SLCO1B3: variants seen among roughly 807,000 people sequenced by gnomAD.
SLCO1B3 encodes the protein solute carrier organic anion transporter family member 1B3, also known as liver-specific organic anion transporter 2.
In SLCO1B3, 72 loss-of-function variants were observed where a neutral mutation model predicts 71.8. That is an observed-to-expected ratio of 1.00 (90% CI 0.83 to 1.22). SLCO1B3 has a LOEUF of 1.22. Ranked by LOEUF, SLCO1B3 falls within the 50% of genes most tolerant of loss-of-function variation. SLCO1B3 has a pLI of 0.00. For missense variants in SLCO1B3, 911 were observed against 819.7 expected (o/e 1.11, Z -1.36); for synonymous variants, 298 against 278.4 (o/e 1.07, Z -0.70).
intron 3 of SLCO1B3, among the ~76,000 whole-genome samples, chr12:20,837,922 A>G (rs1035865656): frequency 2.0e-5 from 3 of 152,082 alleles, no homozygotes; most frequent in African/African-American, 7.2e-5. Context: ...ACAGAGGAGT[A>G]TTGATGTCTC....
At chr12:20,865,576 GCAGGTC>G (rs1451920848) in intron 8 of SLCO1B3, among the ~76,000 whole-genome samples, 1 of 151,994 alleles carries the variant, frequency 6.6e-6, no homozygotes, top group East Asian at 1.9e-4. Context: ...TTTGAACTGT[GCAGGTC>G]CACTTATACA....
chr12:20,860,962 A>G (rs2121247182), intron 5 of SLCO1B3, 55 bp from the exon 6 acceptor site: 1 of 1,483,210 alleles, frequency 6.7e-7, no homozygotes. Context: ...TTTCTGGGAA[A>G]ACTGAAAATA....
At chr12:20,890,528 G>A (rs187621491) in intron 13 of SLCO1B3, among the ~76,000 whole-genome samples, 20 of 152,248 alleles carry the variant, frequency 1.3e-4, no homozygotes, top group South Asian at 2.1e-4. Context: ...TAAAATGTTC[G>A]TCAGATCCAT....
At chr12:20,914,478 C>T (rs1463128879) in intron 15 of SLCO1B3, among the ~76,000 whole-genome samples, 1 of 152,026 alleles carries the variant, frequency 6.6e-6, no homozygotes, top group Admixed American at 6.6e-5. Context: ...CATACATACA[C>T]ATATGAATAA....
intron 3 of SLCO1B3, among the ~76,000 whole-genome samples, chr12:20,842,407 T>G (rs547818315): frequency 6.6e-6 from 1 of 152,336 alleles, no homozygotes; most frequent in African/African-American, 2.4e-5. Flanking sequence ...TTTATAATCA[T>G]TGTATCTTTT....
At chr12:20,868,907 A>G (rs568129478) in intron 8 of SLCO1B3, among the ~76,000 whole-genome samples, 43 of 152,272 alleles carry the variant, frequency 2.8e-4, no homozygotes, top group Middle Eastern at 3.4e-3. Context: ...AGAGAAAGAC[A>G]ACTTACACCA....
chr12:20,885,991 A>G (rs574349228), intron 13 of SLCO1B3, among the ~76,000 whole-genome samples: 1 of 152,246 alleles, frequency 6.6e-6, no homozygotes, highest in South Asian at 2.1e-4. Context: ...ATGAGGTATT[A>G]TTGAGCATGG....
At chr12:20,909,332 A>ATTTTT (rs36075263) in intron 15 of SLCO1B3, among the ~76,000 whole-genome samples, 1 of 138,818 alleles carries the variant, frequency 7.2e-6, no homozygotes, top group South Asian at 2.4e-4. Context: ...CGCCTGGCTA[A>ATTTTT]TTTTTTTTTT....
intron 3 of SLCO1B3, among the ~76,000 whole-genome samples, chr12:20,818,289 T>C (rs769441607): frequency 1.3e-5 from 2 of 152,130 alleles, no homozygotes; most frequent in Non-Finnish European, 2.9e-5. Context: ...TGTCACTGGA[T>C]ACTAAGAGCC....
chr12:20,851,112 A>G (rs1363684014), intron 3 of SLCO1B3, among the ~76,000 whole-genome samples: 2 of 152,148 alleles, frequency 1.3e-5, no homozygotes, highest in African/African-American at 4.8e-5. Context: ...GCTATTGTAA[A>G]TAATGCTGTG....
In SLCO1B3 at chr12:20,870,274, T is replaced by C. The variant is rs368726323; in HGVS notation, c.728-4961T>C. On this transcript the variant is annotated intron_variant, in intron 8 of 15. Transcript: ENST00000381545. ...ATGCTTTATGAATATTTTCTCTTAT[T>C]CCGTATGTTGCCTTTTCACTCTGTT... Among the ~76,000 whole-genome samples the C allele has an allele frequency of 8.2e-4, 125 of 152,276 alleles. 2 individuals carry two copies. The South Asian group carries it at 0.025, about 30-fold the overall frequency.
chr12:20,850,253 TTATTTTA>T (rs1171284619), intron 3 of SLCO1B3, among the ~76,000 whole-genome samples: 2 of 140,732 alleles, frequency 1.4e-5, no homozygotes, highest in African/African-American at 5.3e-5. Context: ...TTTATTATTA[TTATTTTA>T]TTTATTTATT....
At chr12:20,841,910 A>T (rs1219360534) in intron 3 of SLCO1B3, among the ~76,000 whole-genome samples, 1 of 145,596 alleles carries the variant, frequency 6.9e-6, no homozygotes, top group African/African-American at 2.6e-5. Context: ...TTTGAGACAG[A>T]GTCTCACTCT....
chr12:20,824,923 ATCAT>A (rs901246069), intron 3 of SLCO1B3, among the ~76,000 whole-genome samples: 21 of 152,306 alleles, frequency 1.4e-4, no homozygotes, highest in African/African-American at 4.3e-4. Flanking sequence ...TGTAAAAGAA[ATCAT>A]TCATTTAGTC....
Position 20,889,915 on chromosome 12 carries a change from A to AT in SLCO1B3, c.1682+6326dup, listed in dbSNP as rs36117594. Among the ~76,000 whole-genome samples the AT allele has an allele frequency of 4.6e-3, 661 of 145,168 alleles. 4 individuals are homozygous for AT. Among genetic ancestry groups the AT allele is most frequent in the African/African-American group, 0.015 (613 of 39,664 alleles). On this transcript the variant is annotated intron_variant, in intron 13 of 15. Transcript: ENST00000381545. Reference sequence around the variant, plus strand: ...TATTTTCATTCATTTCATTTTCTTAATTTTTTTTTTTTTGTTTTTGGGGAC... The same window carrying AT: ...TATTTTCATTCATTTCATTTTCTTAATTTTTTTTTTTTTTGTTTTTGGGGAC...
intron 8 of SLCO1B3, among the ~76,000 whole-genome samples, chr12:20,873,650 C>T (rs1865521361): frequency 6.6e-6 from 1 of 152,102 alleles, no homozygotes; most frequent in South Asian, 2.1e-4. Flanking sequence ...GCAGAATGTA[C>T]AGGTTTGTTA....
At chr12:20,891,398 C>T (rs554225270) in intron 13 of SLCO1B3, among the ~76,000 whole-genome samples, 1 of 151,778 alleles carries the variant, frequency 6.6e-6, no homozygotes, top group African/African-American at 2.4e-5. Flanking sequence ...TGTTGTTAGT[C>T]TGATAGGATT....
intron 15 of SLCO1B3, among the ~76,000 whole-genome samples, chr12:20,908,297 G>A (rs538682801): frequency 2.0e-5 from 3 of 152,192 alleles, no homozygotes; most frequent in East Asian, 1.9e-4. Context: ...GCCTGCTCCC[G>A]CATACATGCA....
At chr12:20,879,689 A>G (rs532152426) in intron 11 of SLCO1B3, 58 bp downstream of exon 11, 11 of 1,132,748 alleles carry the variant, frequency 9.7e-6, no homozygotes, top group Admixed American at 8.0e-5. Flanking sequence ...TTAAAAGATT[A>G]TGTGCAAGTA....
Sources: allele counts gnomAD v4.1 joint callset (sites outside exome capture counted in the v4.1 genomes callset), GRCh38; gene constraint gnomAD v4.1.1; transcripts MANE v1.5; gene names NCBI Gene and HGNC (gene_info 2026-07-23, HGNC 2026-07-21).